The following FANCB variants were observed in gnomAD, a reference collection of about 807,000 sequenced individuals.
FANCB encodes the protein Fanconi anemia group B protein.
A neutral mutation model predicts 38.9 loss-of-function variants in FANCB; 5 were observed. That is an observed-to-expected ratio of 0.13 (90% CI 0.07 to 0.27). FANCB has a LOEUF of 0.27. FANCB is among the 10% of genes least tolerant of loss of function. FANCB has a pLI of 1.00. For synonymous variants in FANCB, 236 were observed against 215.4 expected (o/e 1.10, Z -0.84); for missense variants, 573 against 602.7 (o/e 0.95, Z 0.52).
chrX:14,699,385 C>G, the FANCB span, among the ~76,000 whole-genome samples: 1 of 112,233 alleles, frequency 8.9e-6, no homozygotes, highest in African/African-American at 3.2e-5. Flanking sequence ...TGCTTGAGAA[C>G]ATGGTTATGG....
chrX:14,736,285 A>G, the FANCB span, among the ~76,000 whole-genome samples: 2 of 109,527 alleles, frequency 1.8e-5, no homozygotes, highest in African/African-American at 6.6e-5. Context: ...TGGGGTATGA[A>G]AAAAAAAAAC....
the FANCB span, among the ~76,000 whole-genome samples, chrX:14,823,079 C>CTTTTTTTTTTTTTTTTTTTTTT: frequency 1.4e-5 from 1 of 71,121 alleles, no homozygotes; most frequent in African/African-American, 5.8e-5. Flanking sequence ...TACCCTTTTA[C>CTTTTTTTTTTTTTTTTTTTTTT]TTTTTTTTTT....
the FANCB span, among the ~76,000 whole-genome samples, chrX:14,740,960 G>GCACA: frequency 9.3e-6 from 1 of 107,910 alleles, no homozygotes; most frequent in Non-Finnish European, 1.9e-5. Context: ...ACAAACACAT[G>GCACA]CACACACACA....
At chrX:14,811,881 T>A in the FANCB span, among the ~76,000 whole-genome samples, 1,813 of 111,429 alleles carry the variant, frequency 0.016, 39 homozygotes, top group African/African-American at 0.049. Context: ...GCACCACACC[T>A]TACCTATTCC....
At chrX:14,866,707 T>C (rs1024604687) in intron 2 of FANCB, among the ~76,000 whole-genome samples, 1 of 112,252 alleles carries the variant, frequency 8.9e-6, no homozygotes, top group African/African-American at 3.2e-5. Flanking sequence ...TTCAGTCTTC[T>C]ATGAACTGCA....
the FANCB span, among the ~76,000 whole-genome samples, chrX:14,815,126 C>G: frequency 6.3e-5 from 7 of 110,626 alleles, no homozygotes; most frequent in African/African-American, 2.3e-4. Context: ...ACAATGGGAA[C>G]AGTTGGACAC....
the FANCB span, among the ~76,000 whole-genome samples, chrX:14,803,412 G>C: frequency 3.8e-3 from 422 of 112,483 alleles, 1 homozygote; most frequent in Non-Finnish European, 4.2e-3. Context: ...TACTGTGCTG[G>C]GGCAAAGCAG....
At chrX:14,813,055 A>T in the FANCB span, among the ~76,000 whole-genome samples, 2 of 102,229 alleles carry the variant, frequency 2.0e-5, no homozygotes, top group African/African-American at 7.5e-5. Context: ...ACAGAACCAA[A>T]GACAAAAACC....
At chrX:14,798,703 C>G in the FANCB span, among the ~76,000 whole-genome samples, 16 of 112,044 alleles carry the variant, frequency 1.4e-4, no homozygotes, top group East Asian at 3.6e-3. Flanking sequence ...TAATTCATGA[C>G]AGAACGTGAT....
chrX:14,796,204 G>C, the FANCB span, among the ~76,000 whole-genome samples: 1 of 110,206 alleles, frequency 9.1e-6, no homozygotes, highest in Admixed American at 1.0e-4. Flanking sequence ...AAGTAGCTTA[G>C]CTGGGAGTTC....
the FANCB span, among the ~76,000 whole-genome samples, chrX:14,739,977 G>A: frequency 9.0e-6 from 1 of 111,632 alleles, no homozygotes; most frequent in Non-Finnish European, 1.9e-5. Flanking sequence ...TGTGAAGTGT[G>A]TACCACACTG....
the FANCB span, among the ~76,000 whole-genome samples, chrX:14,781,527 A>G: frequency 4.5e-5 from 5 of 112,339 alleles, no homozygotes; most frequent in South Asian, 1.9e-3. Flanking sequence ...TGAGAGGCAG[A>G]AGGCTAGAGT....
chrX:14,811,921 T>A, the FANCB span, among the ~76,000 whole-genome samples: 10 of 111,186 alleles, frequency 9.0e-5, no homozygotes, highest in South Asian at 1.9e-3. Flanking sequence ...GAAGTAAAGC[T>A]CTCCTCAGAA....
At chrX:14,864,255 A>G (rs2092458987) in intron 3 of FANCB, among the ~76,000 whole-genome samples, 1 of 112,341 alleles carries the variant, frequency 8.9e-6, no homozygotes, top group African/African-American at 3.2e-5. Context: ...CACATCTACT[A>G]TCATATTAAT....
chrX:14,839,225 C>T (rs1370849129), downstream of FANCB, among the ~76,000 whole-genome samples: 1 of 110,207 alleles, frequency 9.1e-6, no homozygotes, highest in African/African-American at 3.3e-5. Flanking sequence ...ACCCAGAAAG[C>T]GGAGGCTGCA....
the FANCB span, among the ~76,000 whole-genome samples, chrX:14,728,656 T>C: frequency 2.7e-5 from 3 of 112,183 alleles, no homozygotes; most frequent in Non-Finnish European, 5.6e-5. Context: ...CCAGAGATAC[T>C]GTATCACAAT....
At chrX:14,826,668 T>C in the FANCB span, among the ~76,000 whole-genome samples, 1 of 112,420 alleles carries the variant, frequency 8.9e-6, no homozygotes, top group African/African-American at 3.2e-5. Context: ...TTCAAGACAT[T>C]TTCTCTGTAT....
At chrX:14,863,620 T>C (rs1004517853) in intron 3 of FANCB, among the ~76,000 whole-genome samples, 17 of 112,095 alleles carry the variant, frequency 1.5e-4, no homozygotes, top group African/African-American at 5.5e-4. Context: ...TTTAGAACAA[T>C]TTCCAAACTT....
the FANCB span, among the ~76,000 whole-genome samples, chrX:14,770,110 T>C: frequency 2.9e-3 from 322 of 112,740 alleles, 4 homozygotes; most frequent in African/African-American, 9.9e-3. Flanking sequence ...GAAGAATGTA[T>C]ATTCTGTTGA....
Sources: gnomAD v4.1 joint callset for allele counts (sites outside exome capture counted in the v4.1 genomes callset) on GRCh38, gnomAD v4.1.1 for gene constraint, MANE v1.5 for transcripts, NCBI Gene and HGNC (gene_info 2026-07-23, HGNC 2026-07-21) for gene names.